The following GRB2 variants were observed in gnomAD, a reference collection of about 807,000 sequenced individuals.
GRB2 encodes the protein growth factor receptor bound protein 2, also known as growth factor receptor-bound protein 2.
GRB2 carries 2 observed loss-of-function variants against 27.4 expected under a neutral mutation model. The ratio of observed to expected loss-of-function variants is 0.07; its 90% CI spans 0.03 to 0.23. The LOEUF is 0.23. Among genes scored for constraint, GRB2 ranks in the 10% least tolerant of loss-of-function variants. The probability of loss-of-function intolerance (pLI) is 1.00; values close to 1 mark genes in which losing one functional copy is unlikely to be tolerated. For synonymous variants in GRB2, 94 were observed against 99.6 expected (o/e 0.94, Z 0.33); for missense variants, 102 against 282.4 (o/e 0.36, Z 4.58).
chr17:75,387,003 A>G (rs2078968369), intron 2 of GRB2, among the ~76,000 whole-genome samples: 1 of 49,920 alleles, frequency 2.0e-5, no homozygotes, highest in Non-Finnish European at 8.4e-5. Flanking sequence ...AAACACACAC[A>G]CACAAAAATT....
chr17:75,374,125 G>T (rs981988261), intron 2 of GRB2, among the ~76,000 whole-genome samples: 1 of 151,726 alleles, frequency 6.6e-6, no homozygotes, highest in African/African-American at 2.4e-5. Context: ...ATTTATCAAG[G>T]CCAGGCGCAG....
chr17:75,323,938 T>C (rs929142374), intron 4 of GRB2, among the ~76,000 whole-genome samples: 1 of 151,890 alleles, frequency 6.6e-6, no homozygotes, highest in East Asian at 1.9e-4. Context: ...GCCTCCGGAG[T>C]AGCTGGGAAT....
chr17:75,334,008 C>T (rs61764601), intron 2 of GRB2, among the ~76,000 whole-genome samples: 2 of 152,140 alleles, frequency 1.3e-5, no homozygotes, highest in African/African-American at 2.4e-5. Flanking sequence ...TAGGCCATGA[C>T]GCTGTAATGT....
chr17:75,329,001 T>A (rs2078521110), intron 3 of GRB2, among the ~76,000 whole-genome samples: 7 of 151,960 alleles, frequency 4.6e-5, no homozygotes, highest in Admixed American at 4.6e-4. Context: ...TGAGACCTTC[T>A]CAATCGGGGG....
intron 5 of GRB2, 116 bp downstream of exon 5, chr17:75,321,543 G>T: frequency 1.1e-6 from 1 of 877,626 alleles, no homozygotes; most frequent in Non-Finnish European, 1.8e-6. Flanking sequence ...AAGCCCCAGC[G>T]GCAATCCCTG....
chr17:75,369,344 A>G (rs1158496460), intron 2 of GRB2, among the ~76,000 whole-genome samples: 1 of 152,244 alleles, frequency 6.6e-6, no homozygotes, highest in Admixed American at 6.5e-5. Flanking sequence ...CAGGAGTAGC[A>G]GCACAATGTT....
rs755108476 is a variant in GRB2, at chr17:75,354,264, T to TGG, written c.79-21469_79-21468dup. ...AAAGTTTATTCATGGTCTTTTTTTTTGGGGGGGGGGGGGAGATGGAGTTTC... is the reference window on the plus strand; with the variant it reads ...AAAGTTTATTCATGGTCTTTTTTTTTGGGGGGGGGGGGGGGAGATGGAGTTTC... On this transcript the variant is annotated intron_variant, in intron 2 of 5. Transcript: ENST00000316804. Among the ~76,000 whole-genome samples, 315 of 38,102 alleles carry TGG rather than the reference T, an allele frequency of 8.3e-3. 17 individuals are homozygous for TGG. Among genetic ancestry groups the TGG allele is most frequent in the African/African-American group, 0.024 (289 of 11,862 alleles). The allele number at this position is 38,102 out of a possible 152,430, so 25.0% of individuals were successfully genotyped here.
intron 2 of GRB2, among the ~76,000 whole-genome samples, chr17:75,338,568 C>T (rs935245545): frequency 2.0e-5 from 3 of 152,160 alleles, no homozygotes; most frequent in African/African-American, 7.2e-5. Flanking sequence ...CATATTCCCT[C>T]GAGTTATGAC....
At chr17:75,393,015 GT>G in intron 2 of GRB2, among the ~76,000 whole-genome samples, 1 of 152,096 alleles carries the variant, frequency 6.6e-6, no homozygotes. Context: ...AACTCCATTT[GT>G]TTTTTCACAA....
chr17:75,370,744 G>A (rs2078850144), intron 2 of GRB2, among the ~76,000 whole-genome samples: 1 of 152,182 alleles, frequency 6.6e-6, no homozygotes, highest in Non-Finnish European at 1.5e-5. Context: ...AGGGCTATGG[G>A]TTGTGTAAAC....
At position 75,320,304 on chromosome 17, in the gene GRB2, G is replaced by A; in HGVS notation, c.*64C>T. The A allele has an allele frequency of 7.1e-7, 1 of 1,402,488 alleles. No homozygotes were observed. Among genetic ancestry groups the A allele is most frequent in the Non-Finnish European group, 1.0e-6 (1 of 991,042 alleles). The allele number at this position is 1,402,488 out of a possible 1,614,324, so 86.9% of individuals were successfully genotyped here. ...CAGGCTGCTGTCAGAGGCAGCTTGT[G>A]GGTTTAATTCTTTTGTATGTGTTTT... On this transcript the variant is annotated 3_prime_UTR_variant, in exon 6 of 6. Transcript: ENST00000316804. The surrounding 1 kb of genome is among the most constrained non-coding windows in gnomAD (Gnocchi z 4.3).
intron 2 of GRB2, 119 bp downstream of exon 2, chr17:75,393,432 T>A: frequency 1.3e-6 from 1 of 799,810 alleles, no homozygotes; most frequent in South Asian, 1.5e-5. Context: ...ACAAATATGA[T>A]GGTAAATGTT....
chr17:75,324,969 G>A (rs564374304), intron 4 of GRB2, among the ~76,000 whole-genome samples: 3 of 152,194 alleles, frequency 2.0e-5, no homozygotes, highest in Admixed American at 6.5e-5. Context: ...CCAGGTACTC[G>A]GAGGGTGGGG....
chr17:75,381,944 G>T (rs187615789), intron 2 of GRB2, among the ~76,000 whole-genome samples: 201 of 151,736 alleles, frequency 1.3e-3, no homozygotes, highest in Non-Finnish European at 2.2e-3. Flanking sequence ...GTTAAACCTA[G>T]ATTTTAAAAG....
rs78915625 is a variant in GRB2 at position 75,330,846 on chromosome 17, C to T, written c.176+1854G>A. The stretch of plus-strand genomic sequence containing the variant: ...ATCCATATGCATTTAGTGTGAAAAG[C>T]ACATATTTGGATCCACCCCTCAAGC... On this transcript the variant is annotated intron_variant, in intron 3 of 5. Coordinates refer to ENST00000316804, the MANE Select transcript of GRB2 (RefSeq NM_002086.5). Among the ~76,000 whole-genome samples the T allele has an allele frequency of 6.0e-4, 91 of 152,142 alleles. No homozygotes were observed. The East Asian group carries it at 0.013, about 22-fold the overall frequency.
At position 75,359,980 on chromosome 17, in the gene GRB2, A is replaced by T. The variant is rs145204815; in HGVS notation, c.79-27183T>A. 7.3e-3 allele frequency among the ~76,000 whole-genome samples: 996 copies of T among 136,450 alleles called. 5 individuals carry two copies. Among genetic ancestry groups the T allele is most frequent in the South Asian group, 0.026 (109 of 4,214 alleles). 89.5% of individuals were successfully genotyped at this position (136,450 alleles called of 152,430 possible). ...GTGTTACAAAGTTCTTTCTGTCTTA[A>T]AAAAAAAAAAAAAAAGACAGACTGG... On this transcript the variant is annotated intron_variant, in intron 2 of 5. Coordinates refer to ENST00000316804, the MANE Select transcript of GRB2 (RefSeq NM_002086.5).
intron 2 of GRB2, among the ~76,000 whole-genome samples, chr17:75,333,946 C>T (rs919625713): frequency 7.2e-5 from 11 of 152,246 alleles, no homozygotes; most frequent in African/African-American, 2.4e-4. Context: ...TTCCAATGAC[C>T]GTTCTCTCCA....
At chr17:75,375,968 T>C (rs2078890180) in intron 2 of GRB2, among the ~76,000 whole-genome samples, 1 of 136,548 alleles carries the variant, frequency 7.3e-6, no homozygotes. Flanking sequence ...GAGGTTGCAG[T>C]GAGCCAAGAT....
intron 2 of GRB2, among the ~76,000 whole-genome samples, chr17:75,386,967 G>A (rs2078967870): frequency 1.2e-5 from 1 of 80,562 alleles, no homozygotes; most frequent in Non-Finnish European, 3.5e-5. Context: ...CGAGGTCAGA[G>A]GATAGAGACC....
Sources: allele counts gnomAD v4.1 joint callset (sites outside exome capture counted in the v4.1 genomes callset), GRCh38; gene constraint gnomAD v4.1.1; non-coding constraint Gnocchi (gnomAD v3.1); transcripts MANE v1.5; gene names NCBI Gene and HGNC (gene_info 2026-07-23, HGNC 2026-07-21).